The following RSU1 variants were observed in gnomAD, a reference collection of about 807,000 sequenced individuals.
RSU1 encodes the protein Ras suppressor protein 1.
In RSU1, 26 loss-of-function variants were observed where a neutral mutation model predicts 31.1. That is an observed-to-expected ratio of 0.84 (90% CI 0.61 to 1.16). The LOEUF (loss-of-function observed/expected upper bound fraction) is 1.16, where lower values mean the gene tolerates loss of function less well. Among genes scored for constraint, RSU1 ranks in the 50% most tolerant of loss-of-function variants. The pLI, the probability that RSU1 is intolerant of heterozygous loss-of-function variation, is 0.00. For synonymous variants in RSU1, 164 were observed against 136.3 expected (o/e 1.20, Z -1.41); for missense variants, 320 against 339.1 (o/e 0.94, Z 0.44).
At chr10:16,596,557 C>T (rs1833617638) in intron 8 of RSU1, among the ~76,000 whole-genome samples, 1 of 152,196 alleles carries the variant, frequency 6.6e-6, no homozygotes, top group South Asian at 2.1e-4. Context: ...AAGGGTCTGA[C>T]TCTGTGTCTT....
At chr10:16,795,713 T>C (rs1028563638) in intron 2 of RSU1, among the ~76,000 whole-genome samples, 8 of 152,212 alleles carry the variant, frequency 5.3e-5, no homozygotes, top group Admixed American at 3.9e-4. Flanking sequence ...CATTTTATGA[T>C]GTTCAAAAGA....
intron 8 of RSU1, among the ~76,000 whole-genome samples, chr10:16,640,867 C>T (rs2131501302): frequency 6.6e-6 from 1 of 152,350 alleles, no homozygotes; most frequent in South Asian, 2.1e-4. Context: ...CACTGAATCC[C>T]TTAGCCAAGG....
At chr10:16,634,653 TAC>T (rs1489351730) in intron 8 of RSU1, among the ~76,000 whole-genome samples, 1 of 152,202 alleles carries the variant, frequency 6.6e-6, no homozygotes, top group Non-Finnish European at 1.5e-5. Flanking sequence ...GATAAAAATG[TAC>T]ACAGAGGTGT....
At chr10:16,760,055 T>C (rs1837177240) in intron 4 of RSU1, among the ~76,000 whole-genome samples, 1 of 152,188 alleles carries the variant, frequency 6.6e-6, no homozygotes, top group Non-Finnish European at 1.5e-5. Flanking sequence ...TTAGCTCCTT[T>C]CTCAAAGAAC....
chr10:16,785,554 C>A (rs1295879881), intron 2 of RSU1, among the ~76,000 whole-genome samples: 1 of 142,646 alleles, frequency 7.0e-6, no homozygotes, highest in East Asian at 2.1e-4. Flanking sequence ...CTAGAGAACC[C>A]TAATACAGGA....
At chr10:16,681,568 A>G (rs1179311343) in intron 8 of RSU1, among the ~76,000 whole-genome samples, 1 of 152,250 alleles carries the variant, frequency 6.6e-6, no homozygotes, top group Non-Finnish European at 1.5e-5. Context: ...AATTAAAAAA[A>G]TAATGAATTG....
chr10:16,646,139 G>C (rs1173267837), intron 8 of RSU1, among the ~76,000 whole-genome samples: 1 of 141,372 alleles, frequency 7.1e-6, no homozygotes, highest in Admixed American at 6.9e-5. Flanking sequence ...TACAACAAAA[G>C]CAACAGCAAG....
chr10:16,646,313 T>A (rs982523002), intron 8 of RSU1, among the ~76,000 whole-genome samples: 5 of 151,948 alleles, frequency 3.3e-5, no homozygotes, highest in Admixed American at 3.3e-4. Flanking sequence ...GCCTCAAACA[T>A]CTTAACTGTC....
intron 2 of RSU1, among the ~76,000 whole-genome samples, chr10:16,814,135 G>C (rs1283305141): frequency 6.6e-6 from 1 of 152,116 alleles, no homozygotes; most frequent in East Asian, 1.9e-4. Flanking sequence ...ACAGCTAAAA[G>C]TTTATCAGTA....
At position 16,730,145 on chromosome 10, in the gene RSU1, C is replaced by G. The variant is rs540162796; in HGVS notation, c.598+22394G>C. ...CAAGACGGAAGGGAGGTGCTAGGCT[C>G]TTTTTAAGAATCAGCTCTCCTGGGG... On this transcript the variant is annotated intron_variant, in intron 7 of 8. Coordinates refer to ENST00000345264, the MANE Select transcript of RSU1 (RefSeq NM_012425.4). 3.4e-4 allele frequency among the ~76,000 whole-genome samples: 51 copies of G among 152,156 alleles called. No homozygotes were observed. In the South Asian group the frequency reaches 0.01, roughly 30 times the overall value.
intron 2 of RSU1, among the ~76,000 whole-genome samples, chr10:16,810,313 TA>T (rs972120777): frequency 6.6e-6 from 1 of 152,166 alleles, no homozygotes; most frequent in Non-Finnish European, 1.5e-5. Flanking sequence ...ATGCCTATCA[TA>T]AAAAAATACA....
rs545217794 is a variant in RSU1 at position 16,709,069 on chromosome 10, T to C, written c.599-13914A>G. On this transcript the variant is annotated intron_variant, in intron 7 of 8. Transcript: ENST00000345264. ...AATGTGCAGGTTACATATGTATACA[T>C]GTGCCATGCTGGTGTGTTACACCCA... 4.5e-4 allele frequency among the ~76,000 whole-genome samples: 68 copies of C among 151,870 alleles called. 1 individual carries two copies. Among genetic ancestry groups the C allele is most frequent in the African/African-American group, 1.5e-3 (64 of 41,434 alleles).
intron 8 of RSU1, among the ~76,000 whole-genome samples, chr10:16,605,889 C>T (rs1833796414): frequency 6.6e-6 from 1 of 152,198 alleles, no homozygotes; most frequent in South Asian, 2.1e-4. Context: ...GTAGCCTCCA[C>T]CTCTTGAGCT....
chr10:16,795,350 T>C (rs1180147541), intron 2 of RSU1, among the ~76,000 whole-genome samples: 1 of 79,534 alleles, frequency 1.3e-5, no homozygotes, highest in Non-Finnish European at 2.0e-5. Context: ...TGAGACTCCA[T>C]CTCAAAAAAA....
At chr10:16,611,318 G>A (rs986672568) in intron 8 of RSU1, among the ~76,000 whole-genome samples, 9 of 152,178 alleles carry the variant, frequency 5.9e-5, no homozygotes, top group Non-Finnish European at 1.3e-4. Flanking sequence ...GAGGAGGGAC[G>A]TCCCAATCAG....
At chr10:16,777,236 T>C (rs1466982582) in intron 3 of RSU1, among the ~76,000 whole-genome samples, 5 of 152,006 alleles carry the variant, frequency 3.3e-5, no homozygotes, top group Non-Finnish European at 5.9e-5. Context: ...TCTGGTTACA[T>C]AAATACTTCA....
chr10:16,755,071 G>T (rs1193939079), intron 4 of RSU1, 82 bp from the exon 5 acceptor site: 19 of 770,866 alleles, frequency 2.5e-5, no homozygotes, highest in Admixed American at 2.2e-4. Flanking sequence ...TGTTTCAGAC[G>T]CTGAAAGTGT....
At chr10:16,717,876 A>T (rs867409770) in intron 7 of RSU1, among the ~76,000 whole-genome samples, 6 of 152,222 alleles carry the variant, frequency 3.9e-5, no homozygotes, top group Middle Eastern at 3.4e-3. Flanking sequence ...GTGAAAGTGG[A>T]GATCTACCAC....
At chr10:16,706,394 ACCTT>A (rs1231799637) in intron 7 of RSU1, among the ~76,000 whole-genome samples, 1 of 152,126 alleles carries the variant, frequency 6.6e-6, no homozygotes, top group East Asian at 1.9e-4. Flanking sequence ...CCATTTATGT[ACCTT>A]CCTTGGGAAA....
Sources: allele counts gnomAD v4.1 joint callset (sites outside exome capture counted in the v4.1 genomes callset), GRCh38; gene constraint gnomAD v4.1.1; transcripts MANE v1.5; gene names NCBI Gene and HGNC (gene_info 2026-07-23, HGNC 2026-07-21).